Variants in DMRT1 observed in about 807,000 individuals in gnomAD.
DMRT1 encodes the protein doublesex and mab-3 related transcription factor 1.
A neutral mutation model predicts 32.3 loss-of-function variants in DMRT1; 7 were observed. The observed-to-expected ratio is 0.22, with a 90% CI of 0.12 to 0.41. The LOEUF is 0.41. DMRT1 is among the 10% of genes least tolerant of loss of function. The pLI is 1.00. For missense variants in DMRT1, 625 were observed against 500.5 expected (o/e 1.25, Z -2.37); for synonymous variants, 278 against 206.1 (o/e 1.35, Z -2.99).
chr9:927,567 T>C (rs1818569362), intron 4 of DMRT1, among the ~76,000 whole-genome samples: 1 of 152,230 alleles, frequency 6.6e-6, no homozygotes, highest in African/African-American at 2.4e-5. Flanking sequence ...TATATGGGGA[T>C]AGCTTTTGTT....
chr9:882,149 G>T (rs1025760947), intron 2 of DMRT1, among the ~76,000 whole-genome samples: 1 of 152,224 alleles, frequency 6.6e-6, no homozygotes, highest in African/African-American at 2.4e-5. Flanking sequence ...AGGGCAGGGA[G>T]AGGCAGAAAC....
chr9:918,853 CT>C (rs1818266621), intron 4 of DMRT1, among the ~76,000 whole-genome samples: 1 of 152,112 alleles, frequency 6.6e-6, no homozygotes, highest in African/African-American at 2.4e-5. Context: ...GCTATTTTGG[CT>C]TTTTTTATAT....
At position 842,207 on chromosome 9, in the gene DMRT1, G is replaced by A; in HGVS notation, c.354+15G>A. The A allele has an allele frequency of 1.3e-6, 2 of 1,533,578 alleles. No individual in the cohort carries two copies. Among genetic ancestry groups the A allele is most frequent in the African/African-American group, 2.8e-5 (2 of 71,764 alleles). 95.0% of individuals were successfully genotyped at this position (1,533,578 alleles called of 1,614,324 possible). The stretch of plus-strand genomic sequence containing the variant: ...TGGCCGCGCAGGTGGGTGCGGGCGT[G>A]CGGGAGCCCGGGTTCAGCCTTAGTT... On this transcript the variant is annotated intron_variant, in intron 1 of 4. Coordinates refer to ENST00000382276, the MANE Select transcript of DMRT1 (RefSeq NM_021951.3).
At chr9:855,987 G>A (rs1815382634) in intron 2 of DMRT1, among the ~76,000 whole-genome samples, 1 of 152,004 alleles carries the variant, frequency 6.6e-6, no homozygotes, top group Non-Finnish European at 1.5e-5. Context: ...CATGATCTCG[G>A]CTCACTGCAA....
At chr9:851,150 T>C (rs977477535) in intron 2 of DMRT1, among the ~76,000 whole-genome samples, 24 of 152,174 alleles carry the variant, frequency 1.6e-4, no homozygotes, top group African/African-American at 5.3e-4. Flanking sequence ...CTGGCACACC[T>C]TGGGGCAAGT....
intron 4 of DMRT1, among the ~76,000 whole-genome samples, chr9:954,925 C>G (rs1413523789): frequency 1.3e-5 from 2 of 152,196 alleles, no homozygotes; most frequent in Non-Finnish European, 2.9e-5. Flanking sequence ...CAGGCATGAG[C>G]CACTCCGCCT....
At chr9:923,697 T>C (rs1818427641) in intron 4 of DMRT1, among the ~76,000 whole-genome samples, 1 of 152,186 alleles carries the variant, frequency 6.6e-6, no homozygotes, top group Admixed American at 6.5e-5. Context: ...GGGCTGCGTT[T>C]GTTATGTATG....
chr9:907,829 A>G (rs993541172), intron 3 of DMRT1, among the ~76,000 whole-genome samples: 74 of 149,546 alleles, frequency 4.9e-4, no homozygotes, highest in Middle Eastern at 3.5e-3. Flanking sequence ...TAAAATATAT[A>G]TGTGTGTGTG....
chr9:948,829 A>G (rs916405535), intron 4 of DMRT1, among the ~76,000 whole-genome samples: 4 of 151,642 alleles, frequency 2.6e-5, no homozygotes, highest in Non-Finnish European at 5.9e-5. Context: ...GCCAAAGTGG[A>G]TGGATCACTT....
chr9:959,535 T>C lies in DMRT1; in HGVS notation c.968-8450T>C, dbSNP rs562503130. The stretch of plus-strand genomic sequence containing the variant: ...TGTTGTTGTTGTTGTTTTGTTTTGT[T>C]TTTTGTTTTTTGAGATGGAGTCTTG... On this transcript the variant is annotated intron_variant, in intron 4 of 4. Transcript: ENST00000382276. Among the ~76,000 whole-genome samples, 17 of 152,322 alleles carry C rather than the reference T, an allele frequency of 1.1e-4. No homozygotes were observed. The South Asian group carries it at 3.1e-3, about 28-fold the overall frequency.
At chr9:861,952 G>A (rs1318832755) in intron 2 of DMRT1, among the ~76,000 whole-genome samples, 1 of 150,746 alleles carries the variant, frequency 6.6e-6, no homozygotes, top group African/African-American at 2.4e-5. Flanking sequence ...TGGGCGGGCG[G>A]GCAGAGACGC....
At chr9:920,435 A>C (rs916900699) in intron 4 of DMRT1, among the ~76,000 whole-genome samples, 2 of 152,180 alleles carry the variant, frequency 1.3e-5, no homozygotes, top group African/African-American at 4.8e-5. Flanking sequence ...TGATATGTCA[A>C]ATGAGATGAG....
Position 842,061 on chromosome 9 carries a change from A to G in DMRT1, c.223A>G (p.Lys75Glu). The change falls in exon 1 of 5, where the codon AAG becomes GAG. Residue 75 changes from lysine to glutamate, a missense_variant. Lys to Glu is a moderately conservative substitution (Grantham distance 56). Around this residue, in one of 3 missense-constraint regions of DMRT1, gnomAD observed 201 missense variants for 152.0 expected, o/e 1.32. Transcript: ENST00000382276. ...AGSKKSPRLP[K>E]CARCRNHGYA... ...GAGCAAGAAGTCCCCGCGGCTGCCC[A>G]AGTGCGCACGCTGCAGGAACCACGG... The G allele has an allele frequency of 6.5e-7, 1 of 1,545,332 alleles. No homozygotes were observed.
chr9:907,829 ATGTGTGTG>A (rs3084903), intron 3 of DMRT1, among the ~76,000 whole-genome samples: 92 of 149,308 alleles, frequency 6.2e-4, no homozygotes, highest in African/African-American at 1.2e-3. Context: ...TAAAATATAT[ATGTGTGTG>A]TGTGTGTGTG....
intron 2 of DMRT1, among the ~76,000 whole-genome samples, chr9:849,093 G>T (rs139381651): frequency 6.6e-6 from 1 of 151,550 alleles, no homozygotes; most frequent in African/African-American, 2.4e-5. Context: ...AACGTCTCAG[G>T]AGGTAGGAAT....
intron 2 of DMRT1, among the ~76,000 whole-genome samples, chr9:859,795 G>C (rs867472770): frequency 1.3e-5 from 2 of 152,122 alleles, no homozygotes; most frequent in African/African-American, 4.8e-5. Context: ...ATAAATAGCT[G>C]GCAAGTTGTG....
intron 2 of DMRT1, among the ~76,000 whole-genome samples, chr9:863,133 C>T (rs1189199463): frequency 8.6e-6 from 1 of 115,888 alleles, no homozygotes; most frequent in African/African-American, 3.3e-5. Context: ...TGGGCAACAG[C>T]GAGATCAGGT....
chr9:846,451 C>A (rs895849007), intron 1 of DMRT1, among the ~76,000 whole-genome samples: 2 of 152,160 alleles, frequency 1.3e-5, no homozygotes, highest in Admixed American at 6.5e-5. Context: ...ATCCCATTTT[C>A]CTTCCTAATC....
At chr9:861,514 CCCCCTTTT>C (rs1564203499) in intron 2 of DMRT1, among the ~76,000 whole-genome samples, 3 of 152,228 alleles carry the variant, frequency 2.0e-5, no homozygotes, top group African/African-American at 4.8e-5. Context: ...CCCCACATTT[CCCCCTTTT>C]CTATTCGACA....
Sources: allele counts gnomAD v4.1 joint callset (sites outside exome capture counted in the v4.1 genomes callset), GRCh38; gene constraint gnomAD v4.1.1; regional missense constraint gnomAD v4.1.1; transcripts MANE v1.5; gene names NCBI Gene and HGNC (gene_info 2026-07-23, HGNC 2026-07-21).